Variants in THSD4 observed in about 807,000 individuals in gnomAD.
THSD4 encodes thrombospondin type 1 domain containing 4.
THSD4 carries 69 observed loss-of-function variants against 119.0 expected under a neutral mutation model. The ratio of observed to expected loss-of-function variants is 0.58; its 90% CI spans 0.48 to 0.71. The LOEUF (loss-of-function observed/expected upper bound fraction) is 0.71. Among genes scored for constraint, THSD4 ranks in the 30% least tolerant of loss-of-function variants. The pLI is 0.00. For missense variants in THSD4, 1,393 were observed against 1,391.1 expected (o/e 1.00, Z -0.02); for synonymous variants, 524 against 540.4 (o/e 0.97, Z 0.42).
At chr15:71,528,833 T>C (rs544723010) in intron 7 of THSD4, among the ~76,000 whole-genome samples, 1 of 152,310 alleles carries the variant, frequency 6.6e-6, no homozygotes, top group South Asian at 2.1e-4. Flanking sequence ...GTTTCATGGA[T>C]GGTAAAGAGT....
chr15:71,207,945 A>C (rs2043858633), intron 3 of THSD4, among the ~76,000 whole-genome samples: 1 of 152,224 alleles, frequency 6.6e-6, no homozygotes, highest in Non-Finnish European at 1.5e-5. Context: ...ATAAGCGATA[A>C]GGAATTTACA....
At chr15:71,502,559 A>G (rs1215704435) in intron 7 of THSD4, among the ~76,000 whole-genome samples, 1 of 152,242 alleles carries the variant, frequency 6.6e-6, no homozygotes, top group African/African-American at 2.4e-5. Context: ...TAACATATCA[A>G]GTCTTATGCT....
intron 7 of THSD4, among the ~76,000 whole-genome samples, chr15:71,499,438 A>C (rs1366004155): frequency 6.6e-6 from 1 of 151,936 alleles, no homozygotes; most frequent in East Asian, 1.9e-4. Context: ...TCTTCTAAGC[A>C]ATTTGAGGAC....
chr15:71,568,680 C>T (rs998228272), intron 7 of THSD4, among the ~76,000 whole-genome samples: 3 of 150,864 alleles, frequency 2.0e-5, no homozygotes, highest in Non-Finnish European at 4.4e-5. Context: ...CATGTTGGTG[C>T]GCTGCACCCA....
intron 7 of THSD4, among the ~76,000 whole-genome samples, chr15:71,432,740 A>G (rs2046958858): frequency 6.6e-6 from 1 of 151,872 alleles, no homozygotes; most frequent in African/African-American, 2.4e-5. Flanking sequence ...AACCTCTTAA[A>G]GTTTTATTTT....
chr15:71,647,520 T>C (rs945091456), intron 7 of THSD4, among the ~76,000 whole-genome samples: 30 of 152,220 alleles, frequency 2.0e-4, no homozygotes, highest in African/African-American at 7.2e-4. Flanking sequence ...GTATCTATGG[T>C]TAGAAGAGAG....
chr15:71,119,970 G>T (rs918002172), intron 1 of THSD4, among the ~76,000 whole-genome samples: 4 of 152,354 alleles, frequency 2.6e-5, no homozygotes, highest in Admixed American at 6.5e-5. Flanking sequence ...AAGCCCTAAG[G>T]CACATAGCAG....
At chr15:71,321,647 G>A (rs901262310) in intron 6 of THSD4, among the ~76,000 whole-genome samples, 4 of 152,112 alleles carry the variant, frequency 2.6e-5, no homozygotes, top group African/African-American at 9.7e-5. Flanking sequence ...CATATTCTAA[G>A]AATAGATTTA....
chr15:71,655,750 C>A (rs1178040708), intron 7 of THSD4, among the ~76,000 whole-genome samples: 1 of 152,178 alleles, frequency 6.6e-6, no homozygotes, highest in Non-Finnish European at 1.5e-5. Flanking sequence ...CCTGCCCACC[C>A]AAAGCAGTGG....
At chr15:71,380,293 TGTC>T (rs950623708) in intron 6 of THSD4, among the ~76,000 whole-genome samples, 2 of 152,232 alleles carry the variant, frequency 1.3e-5, no homozygotes, top group Admixed American at 1.3e-4. Context: ...TGCCACTCTC[TGTC>T]GTCATCATAA....
intron 7 of THSD4, among the ~76,000 whole-genome samples, chr15:71,583,946 C>T (rs1237334027): frequency 6.6e-6 from 1 of 152,146 alleles, no homozygotes; most frequent in East Asian, 1.9e-4. Context: ...TTCAAGTCCA[C>T]TGTTCCTTAT....
intron 7 of THSD4, among the ~76,000 whole-genome samples, chr15:71,447,784 C>T (rs992583250): frequency 6.6e-6 from 1 of 152,120 alleles, no homozygotes; most frequent in African/African-American, 2.4e-5. Context: ...AGGAAGAGGT[C>T]CTGGGCTAAT....
chr15:71,203,519 C>A (rs1246445395), intron 3 of THSD4, among the ~76,000 whole-genome samples: 1 of 151,890 alleles, frequency 6.6e-6, no homozygotes, highest in East Asian at 1.9e-4. Context: ...ATTAGCTGGG[C>A]ATGATGGTGT....
chr15:71,434,721 A>C (rs955134433), intron 7 of THSD4, among the ~76,000 whole-genome samples: 11 of 152,188 alleles, frequency 7.2e-5, no homozygotes, highest in African/African-American at 2.7e-4. Flanking sequence ...GCTTAAAAAA[A>C]GTGCAGTCTG....
chr15:71,648,112 A>G (rs8042292), intron 7 of THSD4, among the ~76,000 whole-genome samples: 39,694 of 152,098 alleles, frequency 0.26, 5,820 homozygotes, highest in East Asian at 0.64. Context: ...CAAACCCGCC[A>G]CCATCACTTC....
intron 10 of THSD4, among the ~76,000 whole-genome samples, chr15:71,734,444 G>A (rs2053042232): frequency 6.6e-6 from 1 of 152,156 alleles, no homozygotes. Context: ...TTCTAGAAAA[G>A]TTAAAACTAT....
At chr15:71,549,931 T>C (rs2048901315) in intron 7 of THSD4, 1 of 152,500 alleles carries the variant, frequency 6.6e-6, no homozygotes, top group Non-Finnish European at 1.5e-5. Context: ...TGGCTGGCAC[T>C]GTCAGTGCTG....
At chr15:71,194,926 A>G (rs1446254765) in intron 3 of THSD4, among the ~76,000 whole-genome samples, 1 of 151,886 alleles carries the variant, frequency 6.6e-6, no homozygotes, top group African/African-American at 2.4e-5. Flanking sequence ...GGCGGCCACC[A>G]GAGAAGCAGG....
chr15:71,213,726 T>C (rs1309533042), intron 3 of THSD4, among the ~76,000 whole-genome samples: 2 of 144,078 alleles, frequency 1.4e-5, no homozygotes, highest in Non-Finnish European at 3.1e-5. Flanking sequence ...ACTCTTTGGA[T>C]AGAGCTTTTG....
Sources: gnomAD v4.1 joint callset for allele counts (sites outside exome capture counted in the v4.1 genomes callset) on GRCh38, gnomAD v4.1.1 for gene constraint, MANE v1.5 for transcripts, NCBI Gene and HGNC (gene_info 2026-07-23, HGNC 2026-07-21) for gene names.